Variants in MAMDC2 observed in about 807,000 individuals in gnomAD.
The protein encoded by MAMDC2 is MAM domain containing 2.
Under a neutral mutation model 89.8 loss-of-function variants are expected in MAMDC2, and 57 were observed. That is an observed-to-expected ratio of 0.63 (90% CI 0.51 to 0.79). The LOEUF (loss-of-function observed/expected upper bound fraction) is 0.79. Among genes scored for constraint, MAMDC2 ranks in the 30% least tolerant of loss-of-function variants. The pLI is 0.00. For synonymous variants in MAMDC2, 313 were observed against 293.4 expected, an observed-to-expected ratio of 1.07 and a Z score of -0.68; for missense variants, 800 against 820.6, an observed-to-expected ratio of 0.97 and a Z score of 0.31.
At chr9:70,077,656 G>A (rs1026360984) in intron 2 of MAMDC2, among the ~76,000 whole-genome samples, 1 of 152,148 alleles carries the variant, frequency 6.6e-6, no homozygotes, top group Non-Finnish European at 1.5e-5. Flanking sequence ...TTGAGATGAT[G>A]GTAGTGTCAT....
Position 70,126,207 on chromosome 9 carries a change from T to TG in MAMDC2, c.694dup (p.Ala232GlyfsTer27). On this transcript the variant is annotated frameshift_variant, in exon 6 of 14. Coordinates refer to ENST00000377182, the MANE Select transcript of MAMDC2 (RefSeq NM_153267.5). LOFTEE classifies it high-confidence loss of function. ...GTTTATGTGAAGCACTTCCAGGAGG[T>TG]GGCACAGCTCATCTCCCCGTTGACC... is the stretch of plus-strand genomic sequence containing the variant. 1 of 1,612,052 alleles carries TG rather than the reference T, an allele frequency of 6.2e-7. No homozygotes were observed. The highest frequency in any genetic ancestry group is 8.5e-7 in the Non-Finnish European group (1 of 1,179,848).
intron 2 of MAMDC2, among the ~76,000 whole-genome samples, chr9:70,106,957 G>A (rs1196721253): frequency 1.3e-5 from 2 of 152,164 alleles, no homozygotes; most frequent in Non-Finnish European, 2.9e-5. Context: ...AAGCGTGGGA[G>A]GACAGGCTGA....
intron 9 of MAMDC2, among the ~76,000 whole-genome samples, chr9:70,144,251 G>C (rs916423671): frequency 6.6e-6 from 1 of 152,096 alleles, no homozygotes; most frequent in African/African-American, 2.4e-5. Context: ...CTGCATTGAG[G>C]CTTTAAGGTT....
At chr9:70,123,638 T>C (rs1587491531) in intron 5 of MAMDC2, among the ~76,000 whole-genome samples, 1 of 152,254 alleles carries the variant, frequency 6.6e-6, no homozygotes, top group East Asian at 1.9e-4. Flanking sequence ...TGGACATAGA[T>C]GGGTGCAGAG....
rs774258822 is a variant in MAMDC2, at chr9:70,162,664, A to G, written c.1405-6038A>G. Among the ~76,000 whole-genome samples, 24 of 151,812 alleles carry G rather than the reference A, an allele frequency of 1.6e-4. No individual in the cohort carries two copies. In the Middle Eastern group the frequency reaches 0.01, roughly 65 times the overall value. On this transcript the variant is annotated intron_variant, in intron 9 of 13. Transcript: ENST00000377182. ...CACCACCGTGCCCAGCTAATTTTTT[A>G]TACTTTTAGTAGAGAGGGGGTTTTG...
intron 2 of MAMDC2, among the ~76,000 whole-genome samples, chr9:70,071,351 AT>A (rs551683756): frequency 6.6e-6 from 1 of 152,106 alleles, no homozygotes; most frequent in African/African-American, 2.4e-5. Flanking sequence ...AATTTACTCT[AT>A]TTTTTTTCCA....
chr9:70,149,576 T>C (rs749632346), intron 9 of MAMDC2, among the ~76,000 whole-genome samples: 7 of 152,156 alleles, frequency 4.6e-5, no homozygotes, highest in Non-Finnish European at 1.0e-4. Flanking sequence ...GCCGAGCAAC[T>C]TTCCACAGAT....
chr9:70,151,107 C>A (rs1464764208), intron 9 of MAMDC2, among the ~76,000 whole-genome samples: 1 of 152,186 alleles, frequency 6.6e-6, no homozygotes, highest in Non-Finnish European at 1.5e-5. Context: ...CCTTTCCTAG[C>A]CCAGGGCCAG....
At chr9:70,163,425 G>T (rs981993153) in intron 9 of MAMDC2, among the ~76,000 whole-genome samples, 24 of 151,570 alleles carry the variant, frequency 1.6e-4, no homozygotes, top group Non-Finnish European at 2.1e-4. Flanking sequence ...ACAAGGTTTC[G>T]CAATGTTGGC....
chr9:70,048,074 G>A (rs1342000970), intron 2 of MAMDC2, among the ~76,000 whole-genome samples: 1 of 152,128 alleles, frequency 6.6e-6, no homozygotes, highest in African/African-American at 2.4e-5. Context: ...CAGGGCATCG[G>A]GCACTGAAAC....
intron 2 of MAMDC2, among the ~76,000 whole-genome samples, chr9:70,106,643 G>C (rs1828349700): frequency 6.6e-6 from 1 of 152,190 alleles, no homozygotes; most frequent in Non-Finnish European, 1.5e-5. Context: ...AGTGTCGCCT[G>C]TACGTGGGAG....
At chr9:70,141,222 A>G (rs114954833) in intron 8 of MAMDC2, among the ~76,000 whole-genome samples, 3,209 of 152,268 alleles carry the variant, frequency 0.021, 104 homozygotes, top group African/African-American at 0.073. Context: ...TACCAAATCT[A>G]TTCTGACCTT....
intron 5 of MAMDC2, among the ~76,000 whole-genome samples, chr9:70,119,185 C>CAA (rs5898117): frequency 0.024 from 2,379 of 97,844 alleles, 65 homozygotes; most frequent in African/African-American, 0.063. Flanking sequence ...CATACCTTAG[C>CAA]AAAAAAAAAA....
chr9:70,125,320 A>T (rs2030482194), intron 5 of MAMDC2, among the ~76,000 whole-genome samples: 2 of 152,198 alleles, frequency 1.3e-5, no homozygotes, highest in Non-Finnish European at 2.9e-5. Context: ...CTCTATGAGG[A>T]AAGTATTTGA....
intron 11 of MAMDC2, among the ~76,000 whole-genome samples, chr9:70,200,336 AG>A (rs1423844623): frequency 1.4e-5 from 2 of 145,704 alleles, no homozygotes; most frequent in South Asian, 4.5e-4. Flanking sequence ...TGTTTTTCTC[AG>A]GTTTGTCAAA....
chr9:70,078,338 T>C (rs963268843), intron 2 of MAMDC2, among the ~76,000 whole-genome samples: 5 of 152,192 alleles, frequency 3.3e-5, no homozygotes, highest in Non-Finnish European at 7.3e-5. Context: ...GCCCACATAA[T>C]GTTTTATGCT....
intron 12 of MAMDC2, among the ~76,000 whole-genome samples, chr9:70,221,378 T>TAGAGAGAGAGAGAGAGAGAG (rs1212981557): frequency 3.6e-4 from 2 of 5,498 alleles, no homozygotes. Context: ...TATATATATA[T>TAGAGAGAGAGAGAGAGAGAG]ATAGAGAGAG....
intron 2 of MAMDC2, among the ~76,000 whole-genome samples, chr9:70,074,147 G>T (rs1021865413): frequency 2.0e-5 from 3 of 152,172 alleles, no homozygotes; most frequent in African/African-American, 7.2e-5. Flanking sequence ...TCTAACTCAT[G>T]CTTAGCCATT....
intron 2 of MAMDC2, among the ~76,000 whole-genome samples, chr9:70,064,259 C>A (rs1485177445): frequency 6.6e-6 from 1 of 151,870 alleles, no homozygotes. Flanking sequence ...GATCTTTGTG[C>A]CCCATCACCC....
Sources: gnomAD v4.1 joint callset for allele counts (sites outside exome capture counted in the v4.1 genomes callset) on GRCh38, gnomAD v4.1.1 for gene constraint, MANE v1.5 for transcripts, NCBI Gene and HGNC (gene_info 2026-07-23, HGNC 2026-07-21) for gene names.